KLF12: variants seen among roughly 807,000 people sequenced by gnomAD.
KLF12 encodes the protein Krueppel-like factor 12.
KLF12 carries 9 observed loss-of-function variants against 37.8 expected under a neutral mutation model. The observed-to-expected ratio is 0.24, with a 90% CI of 0.14 to 0.42. KLF12 has a LOEUF of 0.42. Among genes scored for constraint, KLF12 ranks in the 10% least tolerant of loss-of-function variants. The pLI is 1.00. For missense variants in KLF12, 411 were observed against 516.0 expected (o/e 0.80, Z 1.97); for synonymous variants, 208 against 202.1 (o/e 1.03, Z -0.25).
At chr13:73,851,258 C>T (rs757881601) in intron 3 of KLF12, among the ~76,000 whole-genome samples, 1 of 152,148 alleles carries the variant, frequency 6.6e-6, no homozygotes, top group Non-Finnish European at 1.5e-5. Context: ...CTGAATGTAG[C>T]GTAAGATATA....
intron 2 of KLF12, among the ~76,000 whole-genome samples, chr13:73,983,752 T>C (rs1465367313): frequency 1.3e-5 from 2 of 152,180 alleles, no homozygotes; most frequent in Non-Finnish European, 2.9e-5. Context: ...GACTGGTCTA[T>C]GGCATTATAG....
At chr13:74,300,439 C>G in the KLF12 span, among the ~76,000 whole-genome samples, 10 of 152,020 alleles carry the variant, frequency 6.6e-5, no homozygotes, top group Non-Finnish European at 1.5e-4. Context: ...TATATAGAAG[C>G]AAGAATCAAG....
intron 1 of KLF12, among the ~76,000 whole-genome samples, chr13:74,074,009 T>C (rs1317147998): frequency 2.6e-5 from 4 of 152,152 alleles, no homozygotes; most frequent in Non-Finnish European, 5.9e-5. Flanking sequence ...AACCCAGCAA[T>C]CTATACCTGT....
intron 1 of KLF12, among the ~76,000 whole-genome samples, chr13:74,098,931 T>G (rs1033205521): frequency 6.6e-6 from 1 of 152,170 alleles, no homozygotes; most frequent in Non-Finnish European, 1.5e-5. Context: ...ATGTTACATG[T>G]CATGGGTCTT....
chr13:73,745,668 G>A (rs905534310), intron 6 of KLF12, among the ~76,000 whole-genome samples: 1 of 152,068 alleles, frequency 6.6e-6, no homozygotes, highest in South Asian at 2.1e-4. Flanking sequence ...TGTTCTGCAC[G>A]TATGTAATTT....
the KLF12 span, among the ~76,000 whole-genome samples, chr13:74,191,606 C>T: frequency 2.6e-5 from 4 of 152,120 alleles, no homozygotes; most frequent in Admixed American, 6.5e-5. Flanking sequence ...CGGATTTTTC[C>T]TGACATCTCC....
chr13:74,085,883 T>C (rs1351247490), intron 1 of KLF12, among the ~76,000 whole-genome samples: 1 of 152,182 alleles, frequency 6.6e-6, no homozygotes, highest in Non-Finnish European at 1.5e-5. Context: ...GAATAGAGAT[T>C]GCTGGTACCT....
At chr13:74,173,983 A>G in the KLF12 span, among the ~76,000 whole-genome samples, 1 of 152,172 alleles carries the variant, frequency 6.6e-6, no homozygotes, top group Non-Finnish European at 1.5e-5. Context: ...GCTTCCAGTC[A>G]ATTCCATGGG....
intron 2 of KLF12, among the ~76,000 whole-genome samples, chr13:73,945,287 G>A (rs1017898202): frequency 1.3e-5 from 2 of 152,068 alleles, no homozygotes; most frequent in South Asian, 2.1e-4. Flanking sequence ...TGGCCAACAC[G>A]GTGAAACCCC....
chr13:74,162,466 G>A, the KLF12 span, among the ~76,000 whole-genome samples: 1 of 152,144 alleles, frequency 6.6e-6, no homozygotes, highest in Non-Finnish European at 1.5e-5. Flanking sequence ...TAAAATTTGG[G>A]GGTTCCCTGT....
chr13:74,163,805 T>A, the KLF12 span, among the ~76,000 whole-genome samples: 3 of 151,172 alleles, frequency 2.0e-5, no homozygotes, highest in Non-Finnish European at 4.4e-5. Flanking sequence ...TTATTTCACA[T>A]TGCATGTCTG....
At chr13:74,215,427 C>CTTTT in the KLF12 span, among the ~76,000 whole-genome samples, 145 of 60,364 alleles carry the variant, frequency 2.4e-3, 5 homozygotes, top group Non-Finnish European at 3.2e-3. Flanking sequence ...CCTCTGGGTT[C>CTTTT]TTTTTTTTTT....
At chr13:73,965,198 C>CA (rs929988266) in intron 2 of KLF12, among the ~76,000 whole-genome samples, 27 of 148,970 alleles carry the variant, frequency 1.8e-4, no homozygotes, top group African/African-American at 3.0e-4. Context: ...CCATCAACAG[C>CA]AAAAAAAAAT....
chr13:74,201,441 CT>C, the KLF12 span, among the ~76,000 whole-genome samples: 1 of 152,128 alleles, frequency 6.6e-6, no homozygotes, highest in Non-Finnish European at 1.5e-5. Context: ...TTGGCTAGAT[CT>C]TTTCAAATTA....
chr13:73,916,106 T>C (rs1351906448), intron 3 of KLF12, among the ~76,000 whole-genome samples: 1 of 152,018 alleles, frequency 6.6e-6, no homozygotes. Context: ...TTGCATAGAT[T>C]TTTAGAGGAT....
At chr13:74,134,874 A>G (rs911793426), upstream of KLF12, among the ~76,000 whole-genome samples, 4 of 151,868 alleles carry the variant, frequency 2.6e-5, no homozygotes, top group Admixed American at 1.3e-4. Context: ...CAGTGGAGGG[A>G]GGGGGCTGTC....
At position 73,884,631 on chromosome 13, in the gene KLF12, A is replaced by C. The variant is rs184916974; in HGVS notation, c.124-38258T>G. 2.6e-5 allele frequency among the ~76,000 whole-genome samples: 4 copies of C among 152,336 alleles called. No individual in the cohort carries two copies. The East Asian group carries it at 7.7e-4, about 29-fold the overall frequency. ...CCCAACAGAACTTTCTGCATGATGG[A>C]AATGCCCTCTTTCTGTGCTGTCCCA... On this transcript the variant is annotated intron_variant, in intron 3 of 7. Coordinates refer to ENST00000377669, the MANE Select transcript of KLF12 (RefSeq NM_007249.5).
intron 3 of KLF12, among the ~76,000 whole-genome samples, chr13:73,853,595 A>G (rs1422924329): frequency 6.6e-6 from 1 of 152,034 alleles, no homozygotes; most frequent in Non-Finnish European, 1.5e-5. Flanking sequence ...AAAAATTAGC[A>G]GAGTGTGGTG....
intron 1 of KLF12, among the ~76,000 whole-genome samples, chr13:74,108,832 G>A (rs903481628): frequency 1.3e-5 from 2 of 152,096 alleles, no homozygotes; most frequent in Non-Finnish European, 2.9e-5. Context: ...AGGGGGAGGA[G>A]GAAGAAGAGG....
Sources: allele counts gnomAD v4.1 joint callset (sites outside exome capture counted in the v4.1 genomes callset), GRCh38; gene constraint gnomAD v4.1.1; transcripts MANE v1.5; gene names NCBI Gene and HGNC (gene_info 2026-07-23, HGNC 2026-07-21).